Variants in ARHGEF26 observed in about 807,000 individuals in gnomAD.
ARHGEF26 encodes the protein Rho guanine nucleotide exchange factor 26, also known as Rho guanine nucleotide exchange factor (GEF) 26.
In ARHGEF26, 59 loss-of-function variants were observed where a neutral mutation model predicts 89.4. The ratio of observed to expected loss-of-function variants is 0.66; its 90% confidence interval spans 0.54 to 0.82. ARHGEF26 has a LOEUF of 0.82. ARHGEF26 is among the 40% of genes least tolerant of loss of function. The probability of loss-of-function intolerance (pLI) is 0.00; values close to 1 mark genes in which losing one functional copy is unlikely to be tolerated. For synonymous variants in ARHGEF26, 500 were observed against 428.4 expected, an observed-to-expected ratio of 1.17 and a Z score of -2.06; for missense variants, 1,234 against 1,085.6, an observed-to-expected ratio of 1.14 and a Z score of -1.92.
chr3:154,182,296 A>G (rs965171405), intron 6 of ARHGEF26, among the ~76,000 whole-genome samples: 29 of 152,168 alleles, frequency 1.9e-4, no homozygotes, highest in South Asian at 2.1e-4. Flanking sequence ...CCTGGAATAG[A>G]TGAAATTTAA....
intron 9 of ARHGEF26, among the ~76,000 whole-genome samples, chr3:154,206,201 A>G (rs1173568676): frequency 5.3e-5 from 8 of 152,200 alleles, no homozygotes; most frequent in Admixed American, 5.2e-4. Flanking sequence ...CACTTGAAAT[A>G]TGTCATGCCC....
chr3:154,196,472 T>TTCA (rs1439966600), intron 9 of ARHGEF26, among the ~76,000 whole-genome samples: 2 of 152,196 alleles, frequency 1.3e-5, no homozygotes, highest in Admixed American at 6.5e-5. Flanking sequence ...ACCACTTTGC[T>TTCA]ATGAAGTACT....
intron 4 of ARHGEF26, among the ~76,000 whole-genome samples, chr3:154,138,202 G>C (rs1202570327): frequency 6.6e-6 from 1 of 152,014 alleles, no homozygotes; most frequent in African/African-American, 2.4e-5. Context: ...ATGAGCCATA[G>C]GCTTTCTCTG....
chr3:154,183,977 CTT>C (rs548153454), intron 6 of ARHGEF26, among the ~76,000 whole-genome samples: 7 of 140,306 alleles, frequency 5.0e-5, no homozygotes, highest in African/African-American at 1.0e-4. Context: ...AATTTTCTTT[CTT>C]TTTTTTTTTT....
chr3:154,124,699 T>G (rs572756828), intron 3 of ARHGEF26, among the ~76,000 whole-genome samples: 2 of 152,302 alleles, frequency 1.3e-5, no homozygotes, highest in South Asian at 4.1e-4. Flanking sequence ...TTAATTCTTC[T>G]CTACCTTGGC....
intron 12 of ARHGEF26, among the ~76,000 whole-genome samples, chr3:154,247,836 T>G (rs1379984943): frequency 6.6e-6 from 1 of 152,236 alleles, no homozygotes. Context: ...TGACAGGCCC[T>G]AAGTCATGGT....
At position 154,255,779 on chromosome 3, in the gene ARHGEF26, T is replaced by TA. The variant is rs1718460697; in HGVS notation, c.*312dup. The TA allele has an allele frequency of 1.7e-6, 2 of 1,149,394 alleles. No homozygotes were observed. Among genetic ancestry groups the TA allele is most frequent in the African/African-American group, 1.6e-5 (1 of 62,726 alleles). 71.2% of individuals were successfully genotyped at this position (1,149,394 alleles called of 1,614,324 possible). A position where few individuals can be genotyped will look rare whatever the true frequency, so the allele number is the denominator to read the frequency against. ...TCCTAGTTTCACCATGTTCTGGCAA[T>TA]AAAAAACACATATTATATCCTGGTT... On this transcript the variant is annotated 3_prime_UTR_variant, in exon 15 of 15. Transcript: ENST00000465093.
intron 10 of ARHGEF26, among the ~76,000 whole-genome samples, chr3:154,221,714 G>C (rs1358455471): frequency 2.6e-5 from 4 of 152,166 alleles, no homozygotes; most frequent in African/African-American, 9.7e-5. Flanking sequence ...GTAAGGTTTA[G>C]ATATAAAAAA....
intron 9 of ARHGEF26, among the ~76,000 whole-genome samples, chr3:154,213,216 A>AGTGTGTGT (rs536410427): frequency 7.0e-6 from 1 of 142,036 alleles, no homozygotes; most frequent in African/African-American, 2.6e-5. Flanking sequence ...AGAGAGAGAG[A>AGTGTGTGT]GTGTGTGTGT....
intron 6 of ARHGEF26, among the ~76,000 whole-genome samples, chr3:154,154,807 A>G (rs953520148): frequency 6.6e-5 from 10 of 151,978 alleles, no homozygotes; most frequent in Non-Finnish European, 1.3e-4. Context: ...ACTGTGTAGT[A>G]GTTTATTCAT....
At chr3:154,198,683 T>A (rs1420587137) in intron 9 of ARHGEF26, among the ~76,000 whole-genome samples, 1 of 151,946 alleles carries the variant, frequency 6.6e-6, no homozygotes, top group East Asian at 1.9e-4. Flanking sequence ...GCTATGAGGA[T>A]GCAAAGGCAT....
At chr3:154,167,379 G>A (rs1423364096) in intron 6 of ARHGEF26, among the ~76,000 whole-genome samples, 2 of 152,086 alleles carry the variant, frequency 1.3e-5, no homozygotes, top group Non-Finnish European at 2.9e-5. Flanking sequence ...TGGCCTGGAT[G>A]GGGGAACTGA....
At chr3:154,229,474 T>C (rs1449530499) in intron 11 of ARHGEF26, among the ~76,000 whole-genome samples, 1 of 152,224 alleles carries the variant, frequency 6.6e-6, no homozygotes, top group Non-Finnish European at 1.5e-5. Flanking sequence ...TTGATTACTC[T>C]GGATGAGGGA....
At chr3:154,137,085 T>C (rs1232363323) in intron 4 of ARHGEF26, among the ~76,000 whole-genome samples, 1 of 152,186 alleles carries the variant, frequency 6.6e-6, no homozygotes, top group Non-Finnish European at 1.5e-5. Context: ...TGGATATTTT[T>C]CCCCTCCAAA....
intron 4 of ARHGEF26, among the ~76,000 whole-genome samples, chr3:154,136,874 C>CT (rs985597838): frequency 6.6e-6 from 1 of 152,104 alleles, no homozygotes; most frequent in African/African-American, 2.4e-5. Context: ...TTTACCATAT[C>CT]TTTTTTTGTG....
intron 6 of ARHGEF26, among the ~76,000 whole-genome samples, chr3:154,158,747 T>G (rs1246032296): frequency 2.1e-4 from 32 of 152,294 alleles, no homozygotes; most frequent in Admixed American, 2.1e-3. Flanking sequence ...AATTCATAAC[T>G]AAACATCACA....
At chr3:154,241,578 G>A (rs373702402) in intron 12 of ARHGEF26, among the ~76,000 whole-genome samples, 1 of 152,230 alleles carries the variant, frequency 6.6e-6, no homozygotes, top group Non-Finnish European at 1.5e-5. Flanking sequence ...AGTAAGCTTC[G>A]CAGCCTTTAT....
Position 154,172,480 on chromosome 3 carries a change from A to G in ARHGEF26, c.1488-15205A>G, listed in dbSNP as rs140787823. On this transcript the variant is annotated intron_variant, in intron 6 of 14. Coordinates refer to ENST00000465093, the MANE Select transcript of ARHGEF26 (RefSeq NM_015595.4). ...GAGGACAAGGCAGGTGGATTGCTTG[A>G]GGCCAGTAGTTCAAGACCAGCCTGG... 1.2e-4 allele frequency among the ~76,000 whole-genome samples: 19 copies of G among 152,338 alleles called. No individual in the cohort carries two copies. In the East Asian group the frequency reaches 3.7e-3, roughly 29 times the overall value.
intron 6 of ARHGEF26, among the ~76,000 whole-genome samples, chr3:154,161,738 A>G (rs914475402): frequency 6.6e-5 from 10 of 152,190 alleles, no homozygotes; most frequent in Admixed American, 5.9e-4. Context: ...GAGTGAATCA[A>G]AGTAAATAGA....
Sources: gnomAD v4.1 joint callset for allele counts (sites outside exome capture counted in the v4.1 genomes callset) on GRCh38, gnomAD v4.1.1 for gene constraint, MANE v1.5 for transcripts, NCBI Gene and HGNC (gene_info 2026-07-23, HGNC 2026-07-21) for gene names.